The following RNF212B variants were observed in gnomAD, a reference collection of about 807,000 sequenced individuals.
The protein encoded by RNF212B is ring finger protein 212B, also known as E3 ubiquitin-protein ligase RNF212B.
In RNF212B, 52 loss-of-function variants were observed where a neutral mutation model predicts 55.5. The observed-to-expected ratio is 0.94, with a 90% CI of 0.75 to 1.18. RNF212B has a LOEUF of 1.18. RNF212B is among the 50% of genes most tolerant of loss of function. The pLI, the probability that RNF212B is intolerant of heterozygous loss-of-function variation, is 0.00. For missense variants in RNF212B, 289 were observed against 350.4 expected, an observed-to-expected ratio of 0.82 and a Z score of 1.40; for synonymous variants, 99 against 121.4, an observed-to-expected ratio of 0.82 and a Z score of 1.21.
At chr14:23,218,037 T>A (rs1881249484) in intron 2 of RNF212B, among the ~76,000 whole-genome samples, 1 of 151,898 alleles carries the variant, frequency 6.6e-6, no homozygotes, top group South Asian at 2.1e-4. Context: ...AACAAAGAGA[T>A]TGAAATAATT....
At chr14:23,260,635 C>T (rs1594944377) in intron 6 of RNF212B, 24 bp from the exon 7 acceptor site, 3 of 1,549,966 alleles carry the variant, frequency 1.9e-6, no homozygotes, top group Non-Finnish European at 2.6e-6. Flanking sequence ...CAGCTTTCTT[C>T]ACTCCTGGTT....
chr14:23,239,993 AACAC>A (rs35948084), intron 1 of RNF212B, among the ~76,000 whole-genome samples: 2 of 145,538 alleles, frequency 1.4e-5, no homozygotes, highest in East Asian at 2.0e-4. Context: ...AGTAAAGGAA[AACAC>A]ACACACACAC....
intron 2 of RNF212B, among the ~76,000 whole-genome samples, chr14:23,228,351 G>A (rs770963240): frequency 2.7e-5 from 4 of 150,180 alleles, no homozygotes; most frequent in East Asian, 4.0e-4. Context: ...CTGGCCAGGC[G>A]CAGTGGATCA....
intron 2 of RNF212B, among the ~76,000 whole-genome samples, chr14:23,223,647 G>A (rs12892157): frequency 0.017 from 2,524 of 152,240 alleles, 34 homozygotes; most frequent in Non-Finnish European, 0.025. Context: ...GAGCCACCGC[G>A]CCCGGCCAAG....
Position 23,240,410 on chromosome 14 carries a change from G to A in RNF212B, c.65G>A (p.Cys22Tyr). The A allele has an allele frequency of 6.5e-7, 1 of 1,550,376 alleles. No homozygotes were observed. Among genetic ancestry groups the A allele is most frequent in the Non-Finnish European group, 8.7e-7 (1 of 1,146,880 alleles). ...GGGGCCCATTTCTTTGTCACCAGCT[G>A]TGGCCATATTTTCTGTAAAAAGTGT... ...KDGAHFFVTS[C>Y]GHIFCKKCVT... Residue 22 changes from cysteine to tyrosine, a missense_variant, in exon 2 of 15, where the codon TGT (cysteine) becomes TAT (tyrosine). Transcript: ENST00000430154.
intron 2 of RNF212B, among the ~76,000 whole-genome samples, chr14:23,213,922 T>A (rs1215573362): frequency 6.6e-6 from 1 of 152,196 alleles, no homozygotes; most frequent in East Asian, 1.9e-4. Flanking sequence ...ATTTCAGTGT[T>A]ACATAGATGT....
intron 2 of RNF212B, among the ~76,000 whole-genome samples, chr14:23,195,141 A>G (rs1170140404): frequency 9.9e-5 from 15 of 152,148 alleles, no homozygotes; most frequent in Admixed American, 9.8e-4. Context: ...AGTACTGCAT[A>G]TAGGAGCCAG....
chr14:23,272,535 T>C (rs1174573587), intron 14 of RNF212B: 1 of 401,608 alleles, frequency 2.5e-6, no homozygotes, highest in Non-Finnish European at 4.5e-6. Flanking sequence ...CTGGTAGTCA[T>C]CTCTGGGTGT....
At position 23,249,214 on chromosome 14, in the gene RNF212B, A is replaced by G. The variant is rs114210812; in HGVS notation, c.228+4818A>G. 6.4e-3 allele frequency among the ~76,000 whole-genome samples: 979 copies of G among 152,356 alleles called. 6 individuals are homozygous for G. The highest frequency in any genetic ancestry group is 0.022 in the African/African-American group (898 of 41,578). On this transcript the variant is annotated intron_variant, in intron 4 of 14. Coordinates refer to ENST00000430154, the MANE Select transcript of RNF212B (RefSeq NM_001282322.3). Reference sequence around the variant, plus strand: ...ATCAGGTCAAGATTTGATCTCATCAATAGACCAGAGCTTCTCCATCCCTCA... The same window carrying G: ...ATCAGGTCAAGATTTGATCTCATCAGTAGACCAGAGCTTCTCCATCCCTCA...
At chr14:23,232,413 C>A (rs770286840) in intron 2 of RNF212B, among the ~76,000 whole-genome samples, 138 of 151,364 alleles carry the variant, frequency 9.1e-4, no homozygotes, top group Non-Finnish European at 1.8e-3. Context: ...CCGGCAGCCG[C>A]CCTGTCTGAG....
chr14:23,246,521 T>G (rs1394978527), intron 4 of RNF212B, among the ~76,000 whole-genome samples: 1 of 152,160 alleles, frequency 6.6e-6, no homozygotes, highest in African/African-American at 2.4e-5. Context: ...ATAATAATAC[T>G]TATCCTACTT....
chr14:23,236,424 A>G (rs1184347730), upstream of RNF212B, among the ~76,000 whole-genome samples: 2 of 152,126 alleles, frequency 1.3e-5, no homozygotes, highest in Non-Finnish European at 2.9e-5. Context: ...CTGAGGCAGG[A>G]GAATCGCTTG....
At chr14:23,208,969 G>A (rs7141796) in intron 2 of RNF212B, among the ~76,000 whole-genome samples, 150,006 of 151,160 alleles carry the variant, frequency 0.99, 74,433 homozygotes, top group Middle Eastern at 1. Context: ...CGTGTTAGCC[G>A]GGATGGTCTC....
intron 9 of RNF212B, among the ~76,000 whole-genome samples, chr14:23,263,426 A>G: frequency 6.6e-6 from 1 of 152,204 alleles, no homozygotes; most frequent in South Asian, 2.1e-4. Context: ...TGCTCTTTTG[A>G]CAGGTGCCAT....
At chr14:23,254,116 A>G (rs1048612187) in intron 4 of RNF212B, among the ~76,000 whole-genome samples, 1 of 151,800 alleles carries the variant, frequency 6.6e-6, no homozygotes, top group Admixed American at 6.6e-5. Context: ...CTTTCTCTTA[A>G]GAAGAAAAAA....
intron 2 of RNF212B, among the ~76,000 whole-genome samples, chr14:23,200,043 A>G (rs886437509): frequency 3.9e-5 from 6 of 152,278 alleles, no homozygotes; most frequent in Non-Finnish European, 7.4e-5. Context: ...AGGCAAGACT[A>G]GACTCTAACA....
At chr14:23,242,113 GA>G (rs1883639800) in intron 2 of RNF212B, among the ~76,000 whole-genome samples, 2 of 130,202 alleles carry the variant, frequency 1.5e-5, no homozygotes, top group Non-Finnish European at 3.4e-5. Context: ...AAAAAGAAAA[GA>G]AAAAGAAAAA....
At chr14:23,205,380 A>G (rs1461427621) in intron 2 of RNF212B, among the ~76,000 whole-genome samples, 3 of 152,018 alleles carry the variant, frequency 2.0e-5, no homozygotes, top group African/African-American at 7.2e-5. Context: ...CCCAAATAAT[A>G]AAATACCTAT....
At chr14:23,244,582 T>TGATAGGCTGTAAAA (rs1331418296) in intron 4 of RNF212B, among the ~76,000 whole-genome samples, 186 bp downstream of exon 4, 8 of 152,334 alleles carry the variant, frequency 5.3e-5, no homozygotes, top group Admixed American at 2.0e-4. Flanking sequence ...CCAGAATCTG[T>TGATAGGCTGTAAAA]GATAGGCTGT....
Sources: gnomAD v4.1 joint callset for allele counts (sites outside exome capture counted in the v4.1 genomes callset) on GRCh38, gnomAD v4.1.1 for gene constraint, MANE v1.5 for transcripts, NCBI Gene and HGNC (gene_info 2026-07-23, HGNC 2026-07-21) for gene names.